SPATA16: variants seen among roughly 807,000 people sequenced by gnomAD.
SPATA16 encodes spermatogenesis associated 16.
In SPATA16, 36 loss-of-function variants were observed where a neutral mutation model predicts 63.3. The ratio of observed to expected loss-of-function variants is 0.57; its 90% CI spans 0.44 to 0.75. The LOEUF (loss-of-function observed/expected upper bound fraction) is 0.75. SPATA16 is among the 30% of genes least tolerant of loss of function. The pLI is 0.00. For synonymous variants in SPATA16, 203 were observed against 216.7 expected (o/e 0.94, Z 0.56); for missense variants, 646 against 679.3 (o/e 0.95, Z 0.54).
chr3:172,916,767 A>G (rs1389075167), intron 8 of SPATA16, among the ~76,000 whole-genome samples: 2 of 152,296 alleles, frequency 1.3e-5, no homozygotes, highest in African/African-American at 2.4e-5. Flanking sequence ...CTAAATTTGA[A>G]TCTGCACTTC....
At chr3:172,951,725 G>A (rs1190020396) in intron 6 of SPATA16, among the ~76,000 whole-genome samples, 1 of 152,120 alleles carries the variant, frequency 6.6e-6, no homozygotes, top group Non-Finnish European at 1.5e-5. Context: ...ACGTGACCAG[G>A]GAGCAATAAA....
intron 1 of SPATA16, among the ~76,000 whole-genome samples, chr3:173,128,794 T>C (rs1475861893): frequency 6.6e-6 from 1 of 152,276 alleles, no homozygotes; most frequent in African/African-American, 2.4e-5. Flanking sequence ...AGAAAATTAC[T>C]TTTTTGGTAA....
intron 4 of SPATA16, among the ~76,000 whole-genome samples, chr3:172,979,589 G>T (rs1400681471): frequency 1.3e-5 from 2 of 152,108 alleles, no homozygotes; most frequent in Non-Finnish European, 2.9e-5. Context: ...TTGGTAATTT[G>T]GTTTTGTGTT....
In SPATA16 at chr3:173,059,126, C is replaced by T. The variant is rs1577153128; in HGVS notation, c.613-10032G>A. ...GTCATCCCCTGGGGCTCATTCTTAG[C>T]ACTTTGTAGTTTTGTTTACTGTATT... On this transcript the variant is annotated intron_variant, in intron 2 of 10. Transcript: ENST00000351008. Among the ~76,000 whole-genome samples the T allele has an allele frequency of 3.3e-5, 5 of 152,170 alleles. 1 individual carries two copies. Among genetic ancestry groups the T allele is most frequent in the Admixed American group, 3.3e-4 (5 of 15,286 alleles).
intron 1 of SPATA16, among the ~76,000 whole-genome samples, chr3:173,132,913 C>T (rs539307102): frequency 2.6e-5 from 4 of 152,072 alleles, no homozygotes; most frequent in Non-Finnish European, 5.9e-5. Context: ...TTACTACCCC[C>T]AACTCAGAGA....
At chr3:173,117,885 C>A in intron 1 of SPATA16, 136 bp from the exon 2 acceptor site, 2 of 1,383,216 alleles carry the variant, frequency 1.4e-6, no homozygotes, top group South Asian at 1.3e-5. Flanking sequence ...ACTGTATTTA[C>A]ATAATCTACT....
intron 6 of SPATA16, among the ~76,000 whole-genome samples, chr3:172,953,366 T>G (rs979064734): frequency 6.6e-6 from 1 of 152,128 alleles, no homozygotes; most frequent in African/African-American, 2.4e-5. Flanking sequence ...ACATAGCCAG[T>G]TGAAGAGAGG....
At chr3:173,020,170 G>T (rs2901853) in intron 3 of SPATA16, among the ~76,000 whole-genome samples, 3,882 of 151,950 alleles carry the variant, frequency 0.026, 163 homozygotes, top group African/African-American at 0.086. Flanking sequence ...GGTGGCAGGC[G>T]CCTGTAATCT....
intron 4 of SPATA16, among the ~76,000 whole-genome samples, chr3:172,983,685 A>G (rs894894944): frequency 1.3e-5 from 2 of 152,046 alleles, no homozygotes; most frequent in African/African-American, 4.8e-5. Flanking sequence ...AATATTAAAG[A>G]TGATGTTCTT....
chr3:173,006,477 T>C (rs1734948062), intron 4 of SPATA16, among the ~76,000 whole-genome samples: 1 of 152,256 alleles, frequency 6.6e-6, no homozygotes, highest in South Asian at 2.1e-4. Flanking sequence ...TTTAGAATCT[T>C]GCATGATGAA....
intron 1 of SPATA16, among the ~76,000 whole-genome samples, chr3:173,137,740 C>T (rs1363718389): frequency 6.6e-6 from 1 of 151,484 alleles, no homozygotes; most frequent in Non-Finnish European, 1.5e-5. Flanking sequence ...GCCTTGGCCC[C>T]AATACCTAAG....
chr3:172,948,103 G>A (rs75193502), intron 6 of SPATA16, among the ~76,000 whole-genome samples: 1 of 151,860 alleles, frequency 6.6e-6, no homozygotes, highest in Non-Finnish European at 1.5e-5. Flanking sequence ...TCCAAACCTA[G>A]AGAAAAATAT....
At chr3:172,946,422 A>G (rs1217821422) in intron 6 of SPATA16, among the ~76,000 whole-genome samples, 5 of 152,014 alleles carry the variant, frequency 3.3e-5, no homozygotes, top group Non-Finnish European at 4.4e-5. Flanking sequence ...GCTACTAGAC[A>G]GTATTTCTGG....
chr3:173,090,228 G>A, intron 2 of SPATA16, among the ~76,000 whole-genome samples: 1 of 152,058 alleles, frequency 6.6e-6, no homozygotes, highest in East Asian at 1.9e-4. Context: ...GGCTTGTCAT[G>A]AGACTGTTTA....
At chr3:173,076,362 G>A (rs945409963) in intron 2 of SPATA16, among the ~76,000 whole-genome samples, 13 of 151,898 alleles carry the variant, frequency 8.6e-5, no homozygotes, top group East Asian at 3.9e-4. Flanking sequence ...AATCCACGCC[G>A]TTACACCAGG....
At chr3:173,011,331 A>T (rs1358838588) in intron 4 of SPATA16, among the ~76,000 whole-genome samples, 1 of 152,234 alleles carries the variant, frequency 6.6e-6, no homozygotes, top group Non-Finnish European at 1.5e-5. Context: ...CTAAATAGAC[A>T]CAGAAAAAGC....
intron 2 of SPATA16, among the ~76,000 whole-genome samples, chr3:173,068,991 T>G (rs1478836226): frequency 2.2e-4 from 33 of 151,076 alleles, no homozygotes; most frequent in Admixed American, 1.8e-3. Flanking sequence ...GCGCCTGTAG[T>G]CCCAGCTACT....
intron 4 of SPATA16, among the ~76,000 whole-genome samples, chr3:172,981,674 C>T (rs559174612): frequency 6.6e-6 from 1 of 152,266 alleles, no homozygotes; most frequent in African/African-American, 2.4e-5. Flanking sequence ...CAACACTATC[C>T]ATACCCTCAC....
At chr3:173,128,364 A>T (rs1738283141) in intron 1 of SPATA16, among the ~76,000 whole-genome samples, 1 of 152,252 alleles carries the variant, frequency 6.6e-6, no homozygotes, top group African/African-American at 2.4e-5. Context: ...TTTATGATTT[A>T]CTAAGCAACA....
Sources: allele counts gnomAD v4.1 joint callset (sites outside exome capture counted in the v4.1 genomes callset), GRCh38; gene constraint gnomAD v4.1.1; transcripts MANE v1.5; gene names NCBI Gene and HGNC (gene_info 2026-07-23, HGNC 2026-07-21).